Variants in RAD51B observed in about 807,000 individuals in gnomAD.
RAD51B encodes RAD51 paralog B, also known as DNA repair protein RAD51 homolog 2.
RAD51B carries 38 observed loss-of-function variants against 42.2 expected under a neutral mutation model. The ratio of observed to expected loss-of-function variants is 0.90; its 90% CI spans 0.70 to 1.18. The LOEUF (loss-of-function observed/expected upper bound fraction) is 1.18, where lower values mean the gene tolerates loss of function less well. Among genes scored for constraint, RAD51B ranks in the 50% most tolerant of loss-of-function variants. The pLI is 0.00. For synonymous variants in RAD51B, 154 were observed against 145.2 expected (o/e 1.06, Z -0.43); for missense variants, 373 against 400.7 (o/e 0.93, Z 0.59).
chr14:68,042,495 A>G (rs1357212646), intron 7 of RAD51B, among the ~76,000 whole-genome samples: 1 of 152,200 alleles, frequency 6.6e-6, no homozygotes, highest in African/African-American at 2.4e-5. Context: ...TATAAGCCAA[A>G]TGTAGACATA....
At chr14:68,150,860 A>ACTT (rs2078363681) in intron 7 of RAD51B, among the ~76,000 whole-genome samples, 1 of 152,190 alleles carries the variant, frequency 6.6e-6, no homozygotes, top group African/African-American at 2.4e-5. Context: ...CGATAGTCTT[A>ACTT]AAGTAGTTGT....
intron 8 of RAD51B, among the ~76,000 whole-genome samples, chr14:68,352,779 C>G (rs2082816547): frequency 6.6e-6 from 1 of 152,190 alleles, no homozygotes; most frequent in African/African-American, 2.4e-5. Context: ...GTATAAATTC[C>G]CTGAGGTTCT....
intron 7 of RAD51B, among the ~76,000 whole-genome samples, chr14:68,258,545 C>T (rs748852080): frequency 3.3e-5 from 5 of 151,762 alleles, no homozygotes; most frequent in Non-Finnish European, 7.4e-5. Context: ...TTAGTGTAAC[C>T]GTGGAACATT....
intron 7 of RAD51B, among the ~76,000 whole-genome samples, chr14:68,235,116 A>G (rs1448827938): frequency 3.9e-5 from 6 of 152,130 alleles, no homozygotes; most frequent in Non-Finnish European, 7.4e-5. Context: ...GTCATTTATT[A>G]TCATTATCAA....
chr14:67,940,054 ATTTTTTTTTTTTTTTTTTTTT>A (rs1170220269), intron 7 of RAD51B, among the ~76,000 whole-genome samples: 2 of 14,546 alleles, frequency 1.4e-4, no homozygotes, highest in African/African-American at 2.3e-4. Flanking sequence ...ATATATATAT[ATTTTTTTTTTTTTTTTTTTTT>A]TTTTTTTTTT....
intron 7 of RAD51B, among the ~76,000 whole-genome samples, chr14:68,033,809 T>C (rs1188451582): frequency 3.3e-5 from 5 of 152,172 alleles, no homozygotes; most frequent in African/African-American, 1.2e-4. Flanking sequence ...TGGGGCTGAA[T>C]CATCCCAGAC....
At chr14:68,558,492 C>A (rs1040157139) in intron 10 of RAD51B, among the ~76,000 whole-genome samples, 2 of 152,176 alleles carry the variant, frequency 1.3e-5, no homozygotes, top group Non-Finnish European at 2.9e-5. Flanking sequence ...CATGTTCCTC[C>A]TAAAGGCTGT....
intron 7 of RAD51B, among the ~76,000 whole-genome samples, chr14:67,901,136 C>T (rs913445101): frequency 8.5e-5 from 13 of 152,324 alleles, no homozygotes; most frequent in African/African-American, 2.9e-4. Flanking sequence ...TCTGTGGGTT[C>T]TGCCCAAAAT....
intron 7 of RAD51B, among the ~76,000 whole-genome samples, chr14:67,956,123 T>A (rs1409690440): frequency 6.6e-6 from 1 of 152,164 alleles, no homozygotes; most frequent in Non-Finnish European, 1.5e-5. Context: ...GAAGAAAATT[T>A]AAAAAAACAG....
At chr14:68,028,761 G>T (rs1277299269) in intron 7 of RAD51B, among the ~76,000 whole-genome samples, 1 of 152,212 alleles carries the variant, frequency 6.6e-6, no homozygotes, top group East Asian at 1.9e-4. Context: ...CAGGCAAGTG[G>T]TCCTGTAGCA....
chr14:68,421,619 C>T (rs542399371), intron 9 of RAD51B: 579 of 1,142,940 alleles, frequency 5.1e-4, no homozygotes, highest in Non-Finnish European at 6.9e-4. Flanking sequence ...TAGGATACTG[C>T]GAGCAAACGG....
chr14:68,312,122 T>G (rs902806226), intron 8 of RAD51B, among the ~76,000 whole-genome samples: 2 of 152,158 alleles, frequency 1.3e-5, no homozygotes, highest in Non-Finnish European at 2.9e-5. Context: ...TGTTTTTTTT[T>G]GTTTTGTTTT....
chr14:68,527,509 G>C (rs1438311776), intron 10 of RAD51B, among the ~76,000 whole-genome samples: 1 of 152,204 alleles, frequency 6.6e-6, no homozygotes, highest in Non-Finnish European at 1.5e-5. Flanking sequence ...GGCACCCCTG[G>C]GTCTCAGAGA....
intron 8 of RAD51B, among the ~76,000 whole-genome samples, chr14:68,361,961 C>T (rs2083034701): frequency 1.3e-5 from 2 of 152,178 alleles, no homozygotes; most frequent in South Asian, 4.1e-4. Context: ...CAGGCATGAA[C>T]CACTGCACCT....
chr14:68,521,933 A>G (rs991660188), intron 10 of RAD51B, among the ~76,000 whole-genome samples: 5 of 152,222 alleles, frequency 3.3e-5, no homozygotes, highest in Admixed American at 2.0e-4. Context: ...GTGACTTCAC[A>G]GCAAACTTCA....
At chr14:68,105,522 A>T (rs1404558603) in intron 7 of RAD51B, among the ~76,000 whole-genome samples, 1 of 151,878 alleles carries the variant, frequency 6.6e-6, no homozygotes, top group African/African-American at 2.4e-5. Context: ...AGAATTTTGC[A>T]TTATTTTATA....
At chr14:68,542,234 T>C (rs1888006085) in intron 10 of RAD51B, among the ~76,000 whole-genome samples, 1 of 152,164 alleles carries the variant, frequency 6.6e-6, no homozygotes, top group Admixed American at 6.5e-5. Context: ...GTAGTTTTCA[T>C]GGAAATTTCT....
At chr14:68,325,651 G>A (rs1318269815) in intron 8 of RAD51B, among the ~76,000 whole-genome samples, 1 of 151,418 alleles carries the variant, frequency 6.6e-6, no homozygotes, top group Non-Finnish European at 1.5e-5. Context: ...CTTAGGCCAA[G>A]AGTATATTAC....
At chr14:68,027,821 A>G (rs2075978599) in intron 7 of RAD51B, among the ~76,000 whole-genome samples, 1 of 152,180 alleles carries the variant, frequency 6.6e-6, no homozygotes, top group South Asian at 2.1e-4. Context: ...TCTGAATTTT[A>G]TATCTGTCAT....
Sources: allele counts gnomAD v4.1 joint callset (sites outside exome capture counted in the v4.1 genomes callset), GRCh38; gene constraint gnomAD v4.1.1; transcripts MANE v1.5; gene names NCBI Gene and HGNC (gene_info 2026-07-23, HGNC 2026-07-21).